Variants in HEATR4 observed in about 807,000 individuals in gnomAD.
The protein encoded by HEATR4 is HEAT repeat-containing protein 4.
In HEATR4, 95 loss-of-function variants were observed where a neutral mutation model predicts 108.8. The observed-to-expected ratio is 0.87, with a 90% CI of 0.74 to 1.04. The LOEUF is 1.04. HEATR4 is among the 50% of genes least tolerant of loss of function. HEATR4 has a pLI of 0.00. For missense variants in HEATR4, 1,152 were observed against 1,253.8 expected (o/e 0.92, Z 1.23); for synonymous variants, 443 against 459.4 (o/e 0.96, Z 0.46).
At chr14:73,632,306 T>C in the HEATR4 span, among the ~76,000 whole-genome samples, 12 of 152,014 alleles carry the variant, frequency 7.9e-5, no homozygotes, top group African/African-American at 4.8e-5. Flanking sequence ...CATATATCAA[T>C]ACTTTCTTCA....
chr14:73,573,644 T>A, the HEATR4 span: 1 of 1,604,674 alleles, frequency 6.2e-7, no homozygotes, highest in East Asian at 2.2e-5. Context: ...TCTTCTTAAA[T>A]GGTCTGGGTT....
At chr14:73,586,702 GAAAA>G in the HEATR4 span, among the ~76,000 whole-genome samples, 1 of 123,040 alleles carries the variant, frequency 8.1e-6, no homozygotes. Context: ...GACTCTGTCT[GAAAA>G]AAAAAAAAAA....
At chr14:73,574,558 C>A in the HEATR4 span, among the ~76,000 whole-genome samples, 2 of 151,950 alleles carry the variant, frequency 1.3e-5, no homozygotes, top group African/African-American at 4.8e-5. Flanking sequence ...CCACCACTCC[C>A]GGCCATGAGA....
the HEATR4 span, among the ~76,000 whole-genome samples, chr14:73,578,620 C>A: frequency 2.0e-5 from 3 of 151,958 alleles, no homozygotes; most frequent in East Asian, 5.8e-4. Flanking sequence ...CCGAAAAGTT[C>A]ATTAAACTAA....
intron 17 of HEATR4, chr14:73,490,850 A>C (rs1439561638): frequency 1.6e-6 from 1 of 640,608 alleles, no homozygotes; most frequent in African/African-American, 1.9e-5. Context: ...CCAAACATTT[A>C]ATGAAAGAGA....
intron 15 of HEATR4, among the ~76,000 whole-genome samples, 169 bp downstream of exon 15, chr14:73,496,432 C>T (rs920075502): frequency 6.6e-5 from 10 of 152,162 alleles, no homozygotes; most frequent in Non-Finnish European, 1.5e-4. Flanking sequence ...GTAACCCAAT[C>T]TTGCACAGAT....
In HEATR4 at chr14:73,494,912, T is replaced by C. The variant is rs546888447; in HGVS notation, c.2785+316A>G. ...AGCTCATAAAGCTTTTTTGAGTGCTTAGTCAAACATACATGGTAGTATTGT... is the reference window on the plus strand; with the variant it reads ...AGCTCATAAAGCTTTTTTGAGTGCTCAGTCAAACATACATGGTAGTATTGT... On this transcript the variant is annotated intron_variant, in intron 16 of 17. Coordinates refer to ENST00000553558, the MANE Select transcript of HEATR4 (RefSeq NM_001220484.1). Among the ~76,000 whole-genome samples, 3 of 152,270 alleles carry C rather than the reference T, an allele frequency of 2.0e-5. No individual in the cohort carries two copies. The South Asian group carries it at 6.2e-4, about 32-fold the overall frequency.
In HEATR4 at chr14:73,558,776, T is replaced by C. The variant is rs1331232303; in HGVS notation, c.-177A>G. The C allele has an allele frequency of 2.0e-5, 3 of 151,060 alleles. No homozygotes were observed. Among genetic ancestry groups the C allele is most frequent in the African/African-American group, 7.3e-5 (3 of 41,022 alleles). 9.4% of individuals were successfully genotyped at this position (151,060 alleles called of 1,614,324 possible). The stretch of plus-strand genomic sequence containing the variant: ...CCTTTTGACACCTAATCCAAAGTTT[T>C]TTCAGCTACCTCAGGTTGCCCCTCA... On this transcript the variant is annotated 5_prime_UTR_variant, in exon 1 of 18. Coordinates refer to ENST00000553558, the MANE Select transcript of HEATR4 (RefSeq NM_001220484.1).
At position 73,522,847 on chromosome 14, in the gene HEATR4, G is replaced by T; in HGVS notation, c.306C>A (p.Ile102=). The T allele has an allele frequency of 1.9e-6, 3 of 1,614,226 alleles. No individual in the cohort carries two copies. The highest frequency in any genetic ancestry group is 2.5e-6 in the Non-Finnish European group (3 of 1,180,046). Residue 102 remains isoleucine (I), a synonymous_variant, in exon 3 of 18, where the codon ATC becomes ATA. Coordinates refer to ENST00000553558, the MANE Select transcript of HEATR4 (RefSeq NM_001220484.1). ...CCTTCCTGATCTGGGGAGTATGGAT[G>T]ATGTCATTGGTATTGTAGAGGTGGT... ...SFDHLYNTND[I]IHTPQIRKAR...
the HEATR4 span, chr14:73,581,425 C>T: frequency 6.6e-6 from 1 of 151,836 alleles, no homozygotes; most frequent in Non-Finnish European, 1.5e-5. Context: ...ATGACAGTCA[C>T]TTCCCAAATG....
At chr14:73,482,601 G>C (rs556673035) in intron 17 of HEATR4, among the ~76,000 whole-genome samples, 2 of 152,324 alleles carry the variant, frequency 1.3e-5, no homozygotes, top group South Asian at 4.1e-4. Flanking sequence ...TATAATATAT[G>C]ATGGTTACAT....
the HEATR4 span, among the ~76,000 whole-genome samples, chr14:73,577,296 T>C: frequency 2.2e-5 from 3 of 137,558 alleles, no homozygotes; most frequent in Non-Finnish European, 4.7e-5. Context: ...AGATCTACAG[T>C]AGAGAGATGA....
intron 17 of HEATR4, among the ~76,000 whole-genome samples, chr14:73,485,123 C>T (rs549045616): frequency 6.6e-6 from 1 of 151,910 alleles, no homozygotes; most frequent in African/African-American, 2.4e-5. Flanking sequence ...GAGATTGCAC[C>T]ACTGCACTCC....
chr14:73,532,991 T>G (rs1458472454), intron 1 of HEATR4, among the ~76,000 whole-genome samples: 1 of 112,524 alleles, frequency 8.9e-6, no homozygotes. Flanking sequence ...AAAAGAAAAG[T>G]AAAGACTAAA....
At chr14:73,595,688 G>A in the HEATR4 span, 1 of 1,506,902 alleles carries the variant, frequency 6.6e-7, no homozygotes, top group Non-Finnish European at 8.9e-7. Context: ...AGAGATTCAA[G>A]ATCAGATTCT....
At chr14:73,592,220 G>T in the HEATR4 span, 1 of 1,613,088 alleles carries the variant, frequency 6.2e-7, no homozygotes, top group African/African-American at 1.3e-5. Flanking sequence ...TGGAACCCGA[G>T]AAGCCTTTTT....
the HEATR4 span, among the ~76,000 whole-genome samples, chr14:73,598,737 T>A: frequency 6.6e-6 from 1 of 151,900 alleles, no homozygotes; most frequent in African/African-American, 2.4e-5. Flanking sequence ...GCATTGTGGC[T>A]TACACCTGTA....
chr14:73,614,900 C>G, the HEATR4 span, among the ~76,000 whole-genome samples: 345 of 150,636 alleles, frequency 2.3e-3, no homozygotes, highest in African/African-American at 8.1e-3. Flanking sequence ...AGTTCGAGAC[C>G]AGCCTGACCA....
At chr14:73,612,812 C>CT in the HEATR4 span, 648 of 1,424,526 alleles carry the variant, frequency 4.5e-4, 1 homozygote, top group Non-Finnish European at 5.7e-4. Flanking sequence ...CATGGGGCTG[C>CT]TGTGGGCGTT....
Sources: allele counts gnomAD v4.1 joint callset (sites outside exome capture counted in the v4.1 genomes callset), GRCh38; gene constraint gnomAD v4.1.1; transcripts MANE v1.5; gene names NCBI Gene and HGNC (gene_info 2026-07-23, HGNC 2026-07-21).